NEGR1: variants seen among roughly 807,000 people sequenced by gnomAD.
NEGR1 encodes IgLON family member 4.
Under a neutral mutation model 40.9 loss-of-function variants are expected in NEGR1, and 10 were observed. That is an observed-to-expected ratio of 0.24 (90% CI 0.15 to 0.42). The LOEUF is 0.42. Among genes scored for constraint, NEGR1 ranks in the 10% least tolerant of loss-of-function variants. NEGR1 has a pLI of 1.00. For missense variants in NEGR1, 352 were observed against 438.9 expected (o/e 0.80, Z 1.77); for synonymous variants, 185 against 166.8 (o/e 1.11, Z -0.84).
intron 2 of NEGR1, among the ~76,000 whole-genome samples, chr1:71,804,784 T>C (rs949496436): frequency 3.5e-5 from 5 of 144,912 alleles, no homozygotes; most frequent in African/African-American, 5.0e-5. Flanking sequence ...AGAGCATGTG[T>C]GTTTGAACAA....
chr1:71,908,523 A>T (rs76534059), intron 2 of NEGR1, among the ~76,000 whole-genome samples: 1,849 of 152,274 alleles, frequency 0.012, 15 homozygotes, highest in Admixed American at 0.021. Context: ...ATCTAACGTC[A>T]GAAGGCAGAC....
At chr1:71,688,993 G>A (rs561081359) in intron 4 of NEGR1, among the ~76,000 whole-genome samples, 52 of 152,158 alleles carry the variant, frequency 3.4e-4, no homozygotes, top group Admixed American at 1.2e-3. Flanking sequence ...TAAAACTCAC[G>A]TCTGATTCCA....
At chr1:72,203,176 C>T (rs2100449926) in intron 1 of NEGR1, among the ~76,000 whole-genome samples, 1 of 152,142 alleles carries the variant, frequency 6.6e-6, no homozygotes, top group East Asian at 1.9e-4. Flanking sequence ...ATGTCATAGA[C>T]AGTGATTCCA....
rs76896899 is a variant in NEGR1 at position 71,972,706 on chromosome 1, G to T, written c.177-37395C>A. ...ATATATTCCACTAGTCCCTATTTAT[G>T]CTTGGGATGCTATGAAATTTCTATT... On this transcript the variant is annotated intron_variant, in intron 1 of 6. Coordinates refer to ENST00000357731, the MANE Select transcript of NEGR1 (RefSeq NM_173808.3). Among the ~76,000 whole-genome samples, 404 of 152,144 alleles carry T rather than the reference G, an allele frequency of 2.7e-3. 1 individual carries two copies. The highest frequency in any genetic ancestry group is 3.8e-3 in the Non-Finnish European group (257 of 68,008).
In NEGR1 at chr1:72,262,967, A is replaced by G. The variant is rs142954833; in HGVS notation, c.176+19352T>C. On this transcript the variant is annotated intron_variant, in intron 1 of 6. Coordinates refer to ENST00000357731, the MANE Select transcript of NEGR1 (RefSeq NM_173808.3). ...GTTAGCAAGTAACTAAGGGACTAAA[A>G]TTCCACACTGTATTTCTTCTATCAC... 9.4e-3 allele frequency among the ~76,000 whole-genome samples: 1,424 copies of G among 151,896 alleles called. 31 individuals are homozygous for G. Among genetic ancestry groups the G allele is most frequent in the African/African-American group, 0.033 (1,360 of 41,496 alleles).
At chr1:72,264,559 A>T (rs964749004) in intron 1 of NEGR1, among the ~76,000 whole-genome samples, 5 of 150,836 alleles carry the variant, frequency 3.3e-5, no homozygotes, top group Non-Finnish European at 7.4e-5. Flanking sequence ...TTTGAACAAT[A>T]AAGTCATATT....
intron 6 of NEGR1, among the ~76,000 whole-genome samples, chr1:71,413,303 G>T (rs1327431974): frequency 6.6e-6 from 1 of 152,122 alleles, no homozygotes; most frequent in Non-Finnish European, 1.5e-5. Context: ...TGTGCTATGT[G>T]CTAGGCACTC....
intron 2 of NEGR1, among the ~76,000 whole-genome samples, chr1:71,885,368 G>A (rs991735518): frequency 2.0e-5 from 3 of 152,218 alleles, no homozygotes; most frequent in Non-Finnish European, 2.9e-5. Context: ...TGGGCAGAAT[G>A]CCAGCTTGCA....
intron 2 of NEGR1, among the ~76,000 whole-genome samples, chr1:71,919,116 A>G (rs1256357696): frequency 6.6e-6 from 1 of 152,190 alleles, no homozygotes. Flanking sequence ...TACAGGATCC[A>G]CAGTAGTTCT....
At chr1:71,788,000 C>CCTAG (rs1340071664) in intron 2 of NEGR1, among the ~76,000 whole-genome samples, 4 of 152,110 alleles carry the variant, frequency 2.6e-5, no homozygotes, top group Non-Finnish European at 5.9e-5. Flanking sequence ...CTTAGAAAGG[C>CCTAG]CTAGAGTCTT....
rs371413454 is a variant in NEGR1 at position 71,862,856 on chromosome 1, G to A, written c.409+72223C>T. On this transcript the variant is annotated intron_variant, in intron 2 of 6. Transcript: ENST00000357731. ...ACACACATATGAAAAGAAGGTCAAC[G>A]TCACTGATCATTAGAAAAATGCATA... Among the ~76,000 whole-genome samples, 20 of 152,126 alleles carry A rather than the reference G, an allele frequency of 1.3e-4. No individual in the cohort carries two copies. The East Asian group carries it at 2.9e-3, about 22-fold the overall frequency.
chr1:72,264,882 T>C (rs1196062170), intron 1 of NEGR1, among the ~76,000 whole-genome samples: 1 of 150,754 alleles, frequency 6.6e-6, no homozygotes, highest in East Asian at 1.9e-4. Context: ...AAAGTTTAAG[T>C]TTTCTACAGA....
chr1:71,698,229 G>T, intron 3 of NEGR1, 90 bp from the exon 4 acceptor site: 4 of 1,126,980 alleles, frequency 3.5e-6, no homozygotes, highest in South Asian at 3.0e-5. Context: ...ACAAGATACT[G>T]CTGACAAAAC....
intron 2 of NEGR1, among the ~76,000 whole-genome samples, chr1:71,846,912 G>C (rs990119979): frequency 1.3e-5 from 2 of 152,018 alleles, no homozygotes; most frequent in African/African-American, 2.4e-5. Context: ...TGTTACATTT[G>C]GTATTAGGTT....
At chr1:72,100,514 T>C (rs1044685108) in intron 1 of NEGR1, among the ~76,000 whole-genome samples, 1 of 152,200 alleles carries the variant, frequency 6.6e-6, no homozygotes, top group Admixed American at 6.5e-5. Context: ...TTTTAGTACA[T>C]AATCTGGACT....
At chr1:71,999,294 G>A (rs1379037060) in intron 1 of NEGR1, among the ~76,000 whole-genome samples, 1 of 151,720 alleles carries the variant, frequency 6.6e-6, no homozygotes, top group African/African-American at 2.4e-5. Flanking sequence ...AACCTGCCTT[G>A]TTGACTCAAC....
chr1:72,108,051 G>A (rs1046264162), intron 1 of NEGR1, among the ~76,000 whole-genome samples: 1 of 151,446 alleles, frequency 6.6e-6, no homozygotes, highest in Non-Finnish European at 1.5e-5. Context: ...AAAAATAAAA[G>A]CTTCCAGGAT....
intron 1 of NEGR1, among the ~76,000 whole-genome samples, chr1:72,092,488 G>T (rs1369423856): frequency 6.6e-6 from 1 of 152,018 alleles, no homozygotes; most frequent in Non-Finnish European, 1.5e-5. Flanking sequence ...TAAAAATCAT[G>T]TTGCCCTGTG....
intron 6 of NEGR1, among the ~76,000 whole-genome samples, chr1:71,553,870 C>A (rs1648165002): frequency 6.6e-6 from 1 of 151,252 alleles, no homozygotes; most frequent in African/African-American, 2.4e-5. Context: ...CTAATAATTA[C>A]ACTTAAGTAC....
Sources: gnomAD v4.1 joint callset for allele counts (sites outside exome capture counted in the v4.1 genomes callset) on GRCh38, gnomAD v4.1.1 for gene constraint, MANE v1.5 for transcripts, NCBI Gene and HGNC (gene_info 2026-07-23, HGNC 2026-07-21) for gene names.